SBNO2: variants seen among roughly 807,000 people sequenced by gnomAD.
SBNO2 encodes protein strawberry notch homolog 2.
SBNO2 carries 89 observed loss-of-function variants against 146.3 expected under a neutral mutation model. The ratio of observed to expected loss-of-function variants is 0.61; its 90% CI spans 0.51 to 0.73. The LOEUF (loss-of-function observed/expected upper bound fraction) is 0.73, where lower values mean the gene tolerates loss of function less well. SBNO2 is among the 30% of genes least tolerant of loss of function. The pLI is 0.00. For synonymous variants in SBNO2, 1,147 were observed against 892.6 expected (o/e 1.29, Z -5.08); for missense variants, 2,092 against 2,003.7 (o/e 1.04, Z -0.84).
At chr19:1,164,720 C>G (rs1356784805) in intron 1 of SBNO2, among the ~76,000 whole-genome samples, 45 of 3,142 alleles carry the variant, frequency 0.014, no homozygotes, top group African/African-American at 0.018. Flanking sequence ...GGAGGAGGAA[C>G]AGGAAGAGGA....
rs956888502 is a variant in SBNO2, at chr19:1,126,728, A to G, written c.441+876T>C. On this transcript the variant is annotated intron_variant, in intron 5 of 31. Transcript: ENST00000361757. The surrounding 1 kb of genome is among the most constrained non-coding windows in gnomAD (Gnocchi z 4.4). ...GTGCCGGGAGCGTGCGGAGGCTGGCATGGGCCCTCACCGGAAGGCGCTCAG... is the reference window on the plus strand; with the variant it reads ...GTGCCGGGAGCGTGCGGAGGCTGGCGTGGGCCCTCACCGGAAGGCGCTCAG... Among the ~76,000 whole-genome samples, 5 of 152,178 alleles carry G rather than the reference A, an allele frequency of 3.3e-5. No individual in the cohort carries two copies. Among genetic ancestry groups the G allele is most frequent in the African/African-American group, 1.2e-4 (5 of 41,448 alleles).
intron 2 of SBNO2, among the ~76,000 whole-genome samples, chr19:1,152,422 G>C (rs1007379830): frequency 5.9e-5 from 9 of 152,158 alleles, no homozygotes; most frequent in African/African-American, 2.2e-4. Flanking sequence ...AGAATTCTTG[G>C]ATCGGAACAA....
rs2080305370 is a variant in SBNO2, at chr19:1,157,726, G to A, written c.-126-3324C>T. On this transcript the variant is annotated intron_variant, in intron 1 of 31. Transcript: ENST00000361757. The surrounding 1 kb of genome is among the most constrained non-coding windows in gnomAD (Gnocchi z 6.8). The stretch of plus-strand genomic sequence containing the variant: ...ATGAAGGTGCTGGTGGCCCAGACAG[G>A]ACAACCACTGGGAAGGCAGAACCTC... 6.6e-6 allele frequency among the ~76,000 whole-genome samples: 1 copy of A among 152,194 alleles called. No homozygotes were observed. The highest frequency in any genetic ancestry group is 2.1e-4 in the South Asian group (1 of 4,834).
At chr19:1,172,949 G>A (rs1307565472) in intron 1 of SBNO2, among the ~76,000 whole-genome samples, 3 of 151,860 alleles carry the variant, frequency 2.0e-5, no homozygotes, top group Non-Finnish European at 4.4e-5. Context: ...GGCATTCCGG[G>A]AAGAAGCAGC....
At position 1,119,939 on chromosome 19, in the gene SBNO2, G is replaced by T; in HGVS notation, c.1234C>A (p.Pro412Thr). 1 of 1,549,832 alleles carries T rather than the reference G, an allele frequency of 6.5e-7. No homozygotes were observed. The highest frequency in any genetic ancestry group is 8.7e-7 in the Non-Finnish European group (1 of 1,147,084). The change falls in exon 12 of 32, where the codon CCC becomes ACC. Residue 412 changes from proline to threonine, a missense_variant. Physicochemically the swap from Pro to Thr is conservative, Grantham distance 38 (BLOSUM62 -1). Coordinates refer to ENST00000361757, the MANE Select transcript of SBNO2 (RefSeq NM_014963.3). ...KAVLDLQNKLPLARVVYASAT... is the reference protein window; with the variant it reads ...KAVLDLQNKLTLARVVYASAT... ...CTGGCGTAGACCACGCGGGCCAGGG[G>T]CAGCTTGTTCTGCAGGTCTAGCACA...
intron 4 of SBNO2, among the ~76,000 whole-genome samples, chr19:1,142,320 G>C (rs989875566): frequency 1.4e-4 from 13 of 95,460 alleles, no homozygotes; most frequent in African/African-American, 4.5e-4. Context: ...GGCCGTGAAG[G>C]CTCTCCAGCA....
At position 1,112,696 on chromosome 19, in the gene SBNO2, G is replaced by A. The variant is rs993717358; in HGVS notation, c.2379+122C>T. The A allele has an allele frequency of 3.5e-6, 5 of 1,440,380 alleles. No individual in the cohort carries two copies. The African/African-American group carries it at 4.3e-5, about 12-fold the overall frequency. The allele number at this position is 1,440,380 out of a possible 1,614,324, so 89.2% of individuals were successfully genotyped here. ...GACACCACCCGCCACACGGCCACTCGCGCCCGCACCTGGCACACACACACT... is the reference window on the plus strand; with the variant it reads ...GACACCACCCGCCACACGGCCACTCACGCCCGCACCTGGCACACACACACT... On this transcript the variant is annotated intron_variant, in intron 20 of 31. Coordinates refer to ENST00000361757, the MANE Select transcript of SBNO2 (RefSeq NM_014963.3). This position sits in a 1 kb window ranked among gnomAD's most constrained non-coding sequence, Gnocchi z 5.9.
At position 1,111,235 on chromosome 19, in the gene SBNO2, G is replaced by A. The variant is rs183596629; in HGVS notation, c.2810-142C>T. 2,752 of 964,894 alleles carry A rather than the reference G, an allele frequency of 2.9e-3. 6 individuals are homozygous for A. The highest frequency in any genetic ancestry group is 5.2e-3 in the Middle Eastern group (16 of 3,056). 59.8% of individuals were successfully genotyped at this position (964,894 alleles called of 1,614,324 possible). ...TAGGGCCAGGGCCAGGGCCAGGAGC[G>A]GAGCCTTTTGCCTGACTTACAGGAG... On this transcript the variant is annotated intron_variant, in intron 24 of 31. Transcript: ENST00000361757.
Position 1,109,538 on chromosome 19 carries a change from C to T in SBNO2, c.3184G>A (p.Gly1062Ser). Residue 1062 changes from glycine (G) to serine (S), a missense_variant, in exon 28 of 32, where the codon GGC (glycine) becomes AGC (serine). Coordinates refer to ENST00000361757, the MANE Select transcript of SBNO2 (RefSeq NM_014963.3). The surrounding 1 kb of genome is among the most constrained non-coding windows in gnomAD (Gnocchi z 4.2). ...DAFAKSLALT[G>S]PYDGFYLSYK... ...GAGAGGTAGAAGCCGTCATAGGGGC[C>T]CGTCAGCGCCAGCGACTTGGCAAAG... The T allele has an allele frequency of 6.2e-7, 1 of 1,601,470 alleles. No homozygotes were observed. Among genetic ancestry groups the T allele is most frequent in the Non-Finnish European group, 8.5e-7 (1 of 1,175,206 alleles).
At chr19:1,152,657 A>G (rs892225) in intron 2 of SBNO2, among the ~76,000 whole-genome samples, 60,106 of 152,012 alleles carry the variant, frequency 0.4, 12,459 homozygotes, top group East Asian at 0.68. Context: ...CCCTGGCCCC[A>G]GCTCAGAGCC....
chr19:1,110,638 G>A lies in SBNO2; in HGVS notation c.3028+107C>T, dbSNP rs1156444234. ...GTTCCCACGAGCCCCTCGCCCACCCGGGATGCCCGGTGTTCCCACGAGCCC... is the reference window on the plus strand; with the variant it reads ...GTTCCCACGAGCCCCTCGCCCACCCAGGATGCCCGGTGTTCCCACGAGCCC... On this transcript the variant is annotated intron_variant, in intron 26 of 31. Transcript: ENST00000361757. This position sits in a 1 kb window ranked among gnomAD's most constrained non-coding sequence, Gnocchi z 4.9. 3.8e-6 allele frequency: 5 copies of A among 1,310,738 alleles called. No homozygotes were observed. Among genetic ancestry groups the A allele is most frequent in the Non-Finnish European group, 4.1e-6 (4 of 985,148 alleles). The allele number at this position is 1,310,738 out of a possible 1,614,324, so 81.2% of individuals were successfully genotyped here. A position where few individuals can be genotyped will look rare whatever the true frequency, so the allele number is the denominator to read the frequency against.
rs1336893216 is a variant in SBNO2 at position 1,109,967 on chromosome 19, A to C, written c.3029-190T>G. Reference sequence around the variant, plus strand: ...GTGGGCCCCAACCTGGCAACCGCTCAGGTCCTAGGTAACCCCGAGCAGGCT... The same window carrying C: ...GTGGGCCCCAACCTGGCAACCGCTCCGGTCCTAGGTAACCCCGAGCAGGCT... On this transcript the variant is annotated intron_variant, in intron 26 of 31. Transcript: ENST00000361757. The surrounding 1 kb of genome is among the most constrained non-coding windows in gnomAD (Gnocchi z 4.2). 6.6e-6 allele frequency among the ~76,000 whole-genome samples: 1 copy of C among 151,770 alleles called. No homozygotes were observed. Among genetic ancestry groups the C allele is most frequent in the Non-Finnish European group, 1.5e-5 (1 of 67,954 alleles).
chr19:1,165,760 G>T (rs2080410554), intron 1 of SBNO2, among the ~76,000 whole-genome samples: 1 of 133,030 alleles, frequency 7.5e-6, no homozygotes, highest in Non-Finnish European at 1.6e-5. Flanking sequence ...TCAGACCCCA[G>T]ACCCCAGATC....
chr19:1,108,709 G>A lies in SBNO2; in HGVS notation c.3617-5C>T, dbSNP rs762281393. The stretch of plus-strand genomic sequence containing the variant: ...AGCCCTCGGGGATCTTGATGCCTGC[G>A]GGCAGAGCGTCGGGGTCAGGGCCGG... On this transcript the variant is annotated splice_region_variant and splice_polypyrimidine_tract_variant and intron_variant, in intron 31 of 31. Transcript: ENST00000361757. 3 of 1,556,144 alleles carry A rather than the reference G, an allele frequency of 1.9e-6. No individual in the cohort carries two copies. The highest frequency in any genetic ancestry group is 1.4e-5 in the African/African-American group (1 of 73,090).
intron 1 of SBNO2, among the ~76,000 whole-genome samples, chr19:1,154,767 T>C (rs2080274018): frequency 6.6e-6 from 1 of 151,964 alleles, no homozygotes; most frequent in African/African-American, 2.4e-5. Flanking sequence ...GCAGCCGGTG[T>C]GAGACTGTGG....
chr19:1,151,708 G>A (rs1241722826), intron 2 of SBNO2, among the ~76,000 whole-genome samples: 4 of 152,162 alleles, frequency 2.6e-5, no homozygotes, highest in African/African-American at 9.7e-5. Flanking sequence ...TGTCACCCAG[G>A]CTGAAGTGCA....
rs113394734 is a variant in SBNO2 at position 1,157,198 on chromosome 19, C to T, written c.-126-2796G>A. On this transcript the variant is annotated intron_variant, in intron 1 of 31. Transcript: ENST00000361757. The surrounding 1 kb of genome is among the most constrained non-coding windows in gnomAD (Gnocchi z 6.8). The stretch of plus-strand genomic sequence containing the variant: ...CGGACCCTTCCCCCATTGACTCCGC[C>T]GCCGTTTCTTGCAGCAGCTGTGACC... 9.0e-3 allele frequency among the ~76,000 whole-genome samples: 1,370 copies of T among 152,234 alleles called. 9 individuals carry two copies. The highest frequency in any genetic ancestry group is 0.016 in the Non-Finnish European group (1,110 of 68,006).
At chr19:1,131,321 C>T (rs557408033) in intron 4 of SBNO2, among the ~76,000 whole-genome samples, 79 of 152,318 alleles carry the variant, frequency 5.2e-4, no homozygotes, top group African/African-American at 1.7e-3. Flanking sequence ...CATCCCTCCC[C>T]GCCAGCCCCC....
At chr19:1,160,525 G>C (rs1384209616) in intron 1 of SBNO2, among the ~76,000 whole-genome samples, 3 of 152,080 alleles carry the variant, frequency 2.0e-5, no homozygotes, top group South Asian at 4.1e-4. Flanking sequence ...GCTGGCTGGA[G>C]CCACCGGGGG....
Sources: gnomAD v4.1 joint callset for allele counts (sites outside exome capture counted in the v4.1 genomes callset) on GRCh38, gnomAD v4.1.1 for gene constraint, Gnocchi (gnomAD v3.1) non-coding constraint, MANE v1.5 for transcripts, NCBI Gene and HGNC (gene_info 2026-07-23, HGNC 2026-07-21) for gene names.